Variants in ZSCAN10 observed in about 807,000 individuals in gnomAD.
ZSCAN10 encodes zinc finger and SCAN domain-containing protein 10.
Under a neutral mutation model 63.7 loss-of-function variants are expected in ZSCAN10, and 52 were observed. The observed-to-expected ratio is 0.82, with a 90% confidence interval of 0.65 to 1.03. The LOEUF (loss-of-function observed/expected upper bound fraction) is 1.03, where lower values mean the gene tolerates loss of function less well. Among genes scored for constraint, ZSCAN10 ranks in the 50% least tolerant of loss-of-function variants. ZSCAN10 has a pLI of 0.00. For synonymous variants in ZSCAN10, 544 were observed against 479.6 expected (o/e 1.13, Z -1.76); for missense variants, 1,223 against 1,103.8 (o/e 1.11, Z -1.53).
rs537231551 is a variant in ZSCAN10 at position 3,091,885 on chromosome 16, A to C, written c.665-57T>G. On this transcript the variant is annotated intron_variant, in intron 3 of 5. Transcript: ENST00000576985. ...CTGTTAGAAGGCAGCCCTGCCTGCCATATGGCTGCAAGGACACACACCGCA... is the reference window on the plus strand; with the variant it reads ...CTGTTAGAAGGCAGCCCTGCCTGCCCTATGGCTGCAAGGACACACACCGCA... 152 of 1,588,682 alleles carry C rather than the reference A, an allele frequency of 9.6e-5. No homozygotes were observed. In the East Asian group the frequency reaches 3.5e-3, roughly 37 times the overall value.
rs752513532 is a variant in ZSCAN10, at chr16:3,090,050, A to G, written c.1384T>C (p.Cys462Arg). The G allele has an allele frequency of 1.4e-4, 232 of 1,603,030 alleles. No individual in the cohort carries two copies. Among genetic ancestry groups the G allele is most frequent in the Non-Finnish European group, 1.8e-4 (217 of 1,177,976 alleles). ...LAHAQDQKPP[C>R]APESKAEAPP... Reference sequence around the variant, plus strand: ...GCTTCGGCCTTACTCTCAGGAGCGCAGGGCGGCTTCTGGTCCTGGGCGTGC... The same window carrying G: ...GCTTCGGCCTTACTCTCAGGAGCGCGGGGCGGCTTCTGGTCCTGGGCGTGC... Residue 462 changes from cysteine to arginine, a missense_variant, in exon 6 of 6, where the codon TGC becomes CGC. Transcript: ENST00000576985.
At chr16:3,093,108 C>G in intron 1 of ZSCAN10, 104 bp from the exon 2 acceptor site, 1 of 880,044 alleles carries the variant, frequency 1.1e-6, no homozygotes, top group Non-Finnish European at 1.5e-6. Flanking sequence ...CCAGAGGAAT[C>G]GCTTTTCTCA....
chr16:3,092,587 C>A lies in ZSCAN10; in HGVS notation c.351G>T (p.Leu117=). 6.3e-7 allele frequency: 1 copy of A among 1,585,798 alleles called. No homozygotes were observed. Among genetic ancestry groups the A allele is most frequent in the South Asian group, 1.1e-5 (1 of 88,276 alleles). The change falls in exon 2 of 6, where the codon CTG becomes CTT. Residue 117 remains leucine, a synonymous_variant. Coordinates refer to ENST00000576985, the MANE Select transcript of ZSCAN10 (RefSeq NM_032805.3). The part of the protein sequence containing the change: ...QPLRDGEEVV[L]LLEGIHREPS... The stretch of plus-strand genomic sequence containing the variant: ...GCTCCCGGTGGATGCCCTCGAGCAG[C>A]AGCACCACCTCCTCCCCATCCCTGA...
intron 4 of ZSCAN10, 24 bp downstream of exon 4, chr16:3,091,740 A>T: frequency 6.3e-7 from 1 of 1,578,236 alleles, no homozygotes; most frequent in African/African-American, 1.4e-5. Flanking sequence ...GCTTGAGGAC[A>T]CCCTGGGGTG....
intron 1 of ZSCAN10, among the ~76,000 whole-genome samples, chr16:3,096,780 T>G (rs1957157991): frequency 6.6e-6 from 1 of 151,938 alleles, no homozygotes; most frequent in African/African-American, 2.4e-5. Flanking sequence ...ATTACAAAAA[T>G]TAGCCGGACG....
At chr16:3,098,480 G>GA (rs1957183525) in intron 1 of ZSCAN10, among the ~76,000 whole-genome samples, 1 of 151,924 alleles carries the variant, frequency 6.6e-6, no homozygotes, top group Non-Finnish European at 1.5e-5. Context: ...GCATGAAACA[G>GA]AAAAAAAATG....
rs1957054586 is a variant in ZSCAN10, at chr16:3,090,334, A to G, written c.1100T>C (p.Leu367Pro). 6.2e-7 allele frequency: 1 copy of G among 1,610,690 alleles called. No individual in the cohort carries two copies. The change falls in exon 6 of 6, where the codon CTG (leucine) becomes CCG (proline). Residue 367 changes from leucine to proline, a missense_variant. Leu to Pro is a moderately conservative substitution (Grantham distance 98). Coordinates refer to ENST00000576985, the MANE Select transcript of ZSCAN10 (RefSeq NM_032805.3). ...PQLSRLKAHQ[L>P]RSHPAGRSFL... The stretch of plus-strand genomic sequence containing the variant: ...GGAGCGCCCAGCCGGGTGCGAGCGC[A>G]GCTGGTGCGCCTTCAGGCGAGACAG...
chr16:3,090,285 C>G lies in ZSCAN10; in HGVS notation c.1149G>C (p.Lys383Asn), dbSNP rs754085205. The change falls in exon 6 of 6, where the codon AAG (lysine) becomes AAC (asparagine). Residue 383 changes from lysine to asparagine, a missense_variant. Lys to Asn is a moderately conservative substitution (Grantham distance 94). Transcript: ENST00000576985. ...GRSFLCLCCG[K>N]SFGRSSILKL... ...TGAGAATGGAGCTGCGGCCGAAGCT[C>G]TTCCCGCAGCAAAGGCACAGGAAGG... 9 of 1,609,412 alleles carry G rather than the reference C, an allele frequency of 5.6e-6. No individual in the cohort carries two copies. Among genetic ancestry groups the G allele is most frequent in the Non-Finnish European group, 6.8e-6 (8 of 1,179,262 alleles).
intron 1 of ZSCAN10, among the ~76,000 whole-genome samples, chr16:3,097,558 C>T (rs1186477508): frequency 6.6e-6 from 1 of 152,170 alleles, no homozygotes; most frequent in African/African-American, 2.4e-5. Flanking sequence ...ATCCAGATTT[C>T]AACCCCTGCA....
At position 3,090,323 on chromosome 16, in the gene ZSCAN10, G is replaced by C; in HGVS notation, c.1111C>G (p.Pro371Ala). 3 of 1,609,852 alleles carry C rather than the reference G, an allele frequency of 1.9e-6. No individual in the cohort carries two copies. Among genetic ancestry groups the C allele is most frequent in the Non-Finnish European group, 2.5e-6 (3 of 1,178,526 alleles). ...AGGCACAGGAAGGAGCGCCCAGCCG[G>C]GTGCGAGCGCAGCTGGTGCGCCTTC... ...RLKAHQLRSH[P>A]AGRSFLCLCC... Residue 371 changes from proline (P) to alanine (A), a missense_variant, in exon 6 of 6, where the codon CCG becomes GCG. Transcript: ENST00000576985.
intron 5 of ZSCAN10, among the ~76,000 whole-genome samples, chr16:3,090,962 C>T (rs571548773): frequency 2.6e-4 from 39 of 151,750 alleles, no homozygotes; most frequent in Middle Eastern, 3.4e-3. Flanking sequence ...CCCAGCTACT[C>T]GGGAGGCTGA....
intron 1 of ZSCAN10, among the ~76,000 whole-genome samples, chr16:3,096,796 G>T (rs1182116246): frequency 6.6e-6 from 1 of 152,086 alleles, no homozygotes; most frequent in Non-Finnish European, 1.5e-5. Context: ...GGACGTGATG[G>T]CATGCGCCTG....
intron 1 of ZSCAN10, among the ~76,000 whole-genome samples, chr16:3,096,232 T>A (rs1855212859): frequency 6.6e-6 from 1 of 152,176 alleles, no homozygotes; most frequent in African/African-American, 2.4e-5. Flanking sequence ...CAGAGCAGGC[T>A]CATATTTTTG....
chr16:3,089,380 G>A lies in ZSCAN10; in HGVS notation c.2054C>T (p.Thr685Met), dbSNP rs1274918730. The A allele has an allele frequency of 4.4e-6, 7 of 1,602,778 alleles. No individual in the cohort carries two copies. In the Admixed American group the frequency reaches 1.0e-4, roughly 23 times the overall value. The change falls in exon 6 of 6, where the codon ACG (threonine) becomes ATG (methionine). Residue 685 changes from threonine to methionine, a missense_variant. Coordinates refer to ENST00000576985, the MANE Select transcript of ZSCAN10 (RefSeq NM_032805.3). Reference protein sequence around the residue: ...SNLARHRRSHTGERPYSCQTC... With the variant: ...SNLARHRRSHMGERPYSCQTC... Reference sequence around the variant, plus strand: ...CTGACAGCTGTAGGGCCGCTCGCCCGTGTGGCTGCGGCGATGGCGGGCCAG... The same window carrying A: ...CTGACAGCTGTAGGGCCGCTCGCCCATGTGGCTGCGGCGATGGCGGGCCAG...
At chr16:3,092,343 G>A (rs778754302) in intron 2 of ZSCAN10, 27 bp from the exon 3 acceptor site, 2 of 1,567,654 alleles carry the variant, frequency 1.3e-6, no homozygotes, top group Admixed American at 3.5e-5. Context: ...CAAGTTAAGT[G>A]ACTCCCGGGG....
chr16:3,092,353 G>C (rs746810498), intron 2 of ZSCAN10, 37 bp from the exon 3 acceptor site: 2 of 1,561,260 alleles, frequency 1.3e-6, no homozygotes, highest in South Asian at 1.2e-5. Context: ...GACTCCCGGG[G>C]TGGCAACCTG....
Position 3,089,781 on chromosome 16 carries a change from G to A in ZSCAN10, c.1653C>T (p.Ser551=). Residue 551 remains serine (S), a synonymous_variant, in exon 6 of 6, where the codon TCC becomes TCT. Transcript: ENST00000576985. The stretch of plus-strand genomic sequence containing the variant: ...TGAAGCTGCGGCCGCAAGCCTGGCA[G>A]GAGAAGGGCCGCTCGCCCGTGTGCA... ...RRVHTGERPF[S]CQACGRSFTQ... 1.9e-6 allele frequency: 3 copies of A among 1,595,428 alleles called. No individual in the cohort carries two copies. Among genetic ancestry groups the A allele is most frequent in the Non-Finnish European group, 2.5e-6 (3 of 1,177,548 alleles).
At chr16:3,098,586 A>G (rs946872972) in intron 1 of ZSCAN10, among the ~76,000 whole-genome samples, 1 of 152,160 alleles carries the variant, frequency 6.6e-6, no homozygotes, top group African/African-American at 2.4e-5. Context: ...GTGGAATTCG[A>G]GACAAGTTGG....
chr16:3,093,521 A>G (rs895355255), intron 1 of ZSCAN10, among the ~76,000 whole-genome samples: 5 of 151,744 alleles, frequency 3.3e-5, no homozygotes, highest in Admixed American at 6.6e-5. Context: ...GATCAAAAAA[A>G]AAAAAAAAAG....
Sources: gnomAD v4.1 joint callset for allele counts (sites outside exome capture counted in the v4.1 genomes callset) on GRCh38, gnomAD v4.1.1 for gene constraint, MANE v1.5 for transcripts, NCBI Gene and HGNC (gene_info 2026-07-23, HGNC 2026-07-21) for gene names.